SND1: variants seen among roughly 807,000 people sequenced by gnomAD.
The protein encoded by SND1 is staphylococcal nuclease domain-containing protein 1.
A neutral mutation model predicts 121.7 loss-of-function variants in SND1; 38 were observed. The observed-to-expected ratio is 0.31, with a 90% CI of 0.24 to 0.41. SND1 has a LOEUF of 0.41. SND1 is among the 10% of genes least tolerant of loss of function. The pLI, the probability that SND1 is intolerant of heterozygous loss-of-function variation, is 1.00. For synonymous variants in SND1, 401 were observed against 447.4 expected, an observed-to-expected ratio of 0.90 and a Z score of 1.31; for missense variants, 868 against 1,184.6, an observed-to-expected ratio of 0.73 and a Z score of 3.92.
intron 16 of SND1, among the ~76,000 whole-genome samples, chr7:128,050,989 A>G (rs1298945844): frequency 2.0e-5 from 3 of 152,180 alleles, no homozygotes; most frequent in African/African-American, 7.2e-5. Context: ...TGCGAGTGGC[A>G]GTAGCTTCAC....
At chr7:127,700,421 A>G (rs1312894311) in intron 4 of SND1, among the ~76,000 whole-genome samples, 1 of 152,212 alleles carries the variant, frequency 6.6e-6, no homozygotes, top group East Asian at 1.9e-4. Flanking sequence ...GAAGATGAGA[A>G]GAGATTCAGT....
rs530110612 is a variant in SND1, at chr7:127,854,603, A to G, written c.1343+10179A>G. On this transcript the variant is annotated intron_variant, in intron 12 of 23. Coordinates refer to ENST00000354725, the MANE Select transcript of SND1 (RefSeq NM_014390.4). ...TTATTTAGAATAGTGCCATGATGTG[A>G]TAAGGAGAAGGGGGCATTCGACATG... 3.5e-4 allele frequency among the ~76,000 whole-genome samples: 53 copies of G among 151,372 alleles called. 1 individual carries two copies. Among genetic ancestry groups the G allele is most frequent in the African/African-American group, 2.4e-5 (1 of 41,168 alleles).
chr7:127,896,375 G>T (rs1183992655), intron 13 of SND1, among the ~76,000 whole-genome samples: 1 of 152,074 alleles, frequency 6.6e-6, no homozygotes, highest in Admixed American at 6.6e-5. Flanking sequence ...GATAACACTT[G>T]ACCCTTGACT....
intron 12 of SND1, among the ~76,000 whole-genome samples, chr7:127,865,408 ATTGT>A (rs1468122611): frequency 2.0e-5 from 3 of 152,214 alleles, no homozygotes; most frequent in Non-Finnish European, 4.4e-5. Flanking sequence ...TGTCAAAAAC[ATTGT>A]TTGTCTGTCT....
Position 128,029,343 on chromosome 7 carries a change from G to A in SND1, c.1779+38287G>A. ...CACATTGAGGTAGGCCGAGGCGTTG[G>A]AGTTGCCTGCAACATTGGTCACCAT... On this transcript the variant is annotated intron_variant, in intron 16 of 23. Transcript: ENST00000354725. This position sits in a 1 kb window ranked among gnomAD's most constrained non-coding sequence, Gnocchi z 4.2. The A allele has an allele frequency of 6.2e-7, 1 of 1,614,186 alleles. No individual in the cohort carries two copies. The highest frequency in any genetic ancestry group is 8.5e-7 in the Non-Finnish European group (1 of 1,180,038).
intron 18 of SND1, chr7:128,081,981 C>G (rs1793611052): frequency 1.9e-6 from 1 of 534,036 alleles, no homozygotes; most frequent in African/African-American, 1.9e-5. Context: ...TTAACATAGC[C>G]CTGAGTGATA....
chr7:127,920,858 C>CA (rs34784173), intron 14 of SND1, among the ~76,000 whole-genome samples: 70,950 of 120,386 alleles, frequency 0.59, 19,636 homozygotes, highest in East Asian at 0.76. Flanking sequence ...CTTATCTTAA[C>CA]AAAAAAAAAA....
chr7:127,745,227 G>A (rs552943614), intron 10 of SND1, among the ~76,000 whole-genome samples: 1 of 152,264 alleles, frequency 6.6e-6, no homozygotes, highest in South Asian at 2.1e-4. Context: ...AGGCAATATG[G>A]TATAGCCTGT....
At chr7:128,035,261 T>G (rs1792726483) in intron 16 of SND1, among the ~76,000 whole-genome samples, 1 of 152,258 alleles carries the variant, frequency 6.6e-6, no homozygotes, top group Admixed American at 6.5e-5. Flanking sequence ...ACCGCTCTCT[T>G]AGTCCATGAT....
chr7:127,858,277 C>T (rs939436451), intron 12 of SND1: 16 of 819,498 alleles, frequency 2.0e-5, no homozygotes, highest in South Asian at 4.5e-5. Flanking sequence ...AGAGCCGGTC[C>T]GGGCACTGCG....
chr7:127,855,455 G>A (rs1349963760), intron 12 of SND1, among the ~76,000 whole-genome samples: 1 of 151,792 alleles, frequency 6.6e-6, no homozygotes. Flanking sequence ...TAGGTCTGAG[G>A]TAAAAAACTC....
intron 11 of SND1, among the ~76,000 whole-genome samples, chr7:127,828,228 C>T (rs923179348): frequency 2.0e-5 from 3 of 152,000 alleles, no homozygotes; most frequent in Non-Finnish European, 4.4e-5. Context: ...AGCTCCTGAC[C>T]TCAGGTGATC....
At chr7:127,676,898 T>C (rs1364563824) in intron 1 of SND1, among the ~76,000 whole-genome samples, 1 of 152,132 alleles carries the variant, frequency 6.6e-6, no homozygotes, top group Non-Finnish European at 1.5e-5. Context: ...CCTACCACCG[T>C]GTCCAGCTAA....
chr7:127,990,492 AAGTC>A (rs1802495820), intron 15 of SND1, among the ~76,000 whole-genome samples: 3 of 152,192 alleles, frequency 2.0e-5, no homozygotes, highest in Non-Finnish European at 4.4e-5. Flanking sequence ...TTTGGTGTAA[AAGTC>A]AGACAGCAAG....
chr7:127,943,898 C>T (rs1801270044), intron 15 of SND1, among the ~76,000 whole-genome samples: 1 of 152,166 alleles, frequency 6.6e-6, no homozygotes, highest in South Asian at 2.1e-4. Flanking sequence ...TTTGTTAACC[C>T]GTTGGAGGGC....
At chr7:127,659,023 A>G (rs529887603) in intron 1 of SND1, among the ~76,000 whole-genome samples, 5 of 152,246 alleles carry the variant, frequency 3.3e-5, no homozygotes, top group African/African-American at 7.2e-5. Context: ...CAAGAAGAGC[A>G]TAGTTACATA....
At chr7:127,774,859 A>G (rs896641563) in intron 10 of SND1, among the ~76,000 whole-genome samples, 2 of 152,276 alleles carry the variant, frequency 1.3e-5, no homozygotes, top group Admixed American at 1.3e-4. Flanking sequence ...GATTACAGGC[A>G]TGAGCCACTG....
intron 9 of SND1, chr7:127,718,863 T>C (rs1796439175): frequency 3.3e-5 from 18 of 548,058 alleles, no homozygotes; most frequent in Non-Finnish European, 4.2e-5. Flanking sequence ...GGAATTTCCT[T>C]ATGTTTTTGG....
intron 15 of SND1, among the ~76,000 whole-genome samples, chr7:127,981,234 G>T (rs1214121166): frequency 6.6e-6 from 1 of 152,148 alleles, no homozygotes; most frequent in Non-Finnish European, 1.5e-5. Context: ...GAAGGTATGA[G>T]GTTGTTGTTT....
Sources: allele counts gnomAD v4.1 joint callset (sites outside exome capture counted in the v4.1 genomes callset), GRCh38; gene constraint gnomAD v4.1.1; non-coding constraint Gnocchi (gnomAD v3.1); transcripts MANE v1.5; gene names NCBI Gene and HGNC (gene_info 2026-07-23, HGNC 2026-07-21).